The following CSMD1 variants were observed in gnomAD, a reference collection of about 807,000 sequenced individuals.
The protein encoded by CSMD1 is CUB and sushi domain-containing protein 1.
In CSMD1, 213 loss-of-function variants were observed where a neutral mutation model predicts 417.5. The observed-to-expected ratio is 0.51, with a 90% confidence interval of 0.46 to 0.57. CSMD1 has a LOEUF of 0.57. CSMD1 is among the 20% of genes least tolerant of loss of function. The probability of loss-of-function intolerance (pLI) is 0.00; values close to 1 mark genes in which losing one functional copy is unlikely to be tolerated. For missense variants in CSMD1, 6,923 were observed against 4,529.7 expected (o/e 1.53, Z -15.17); for synonymous variants, 2,862 against 1,736.8 (o/e 1.65, Z -16.11).
chr8:4,079,628 T>A (rs561774360), intron 3 of CSMD1, among the ~76,000 whole-genome samples: 1 of 152,238 alleles, frequency 6.6e-6, no homozygotes, highest in African/African-American at 2.4e-5. Context: ...GAGAATTAGC[T>A]AAATTGATAC....
At chr8:4,692,662 G>A (rs1010968328) in intron 1 of CSMD1, among the ~76,000 whole-genome samples, 1 of 152,154 alleles carries the variant, frequency 6.6e-6, no homozygotes, top group Non-Finnish European at 1.5e-5. Context: ...CAACTGTCCT[G>A]GTTTGCCGAT....
At chr8:4,537,233 G>T (rs1797144042) in intron 2 of CSMD1, among the ~76,000 whole-genome samples, 1 of 152,092 alleles carries the variant, frequency 6.6e-6, no homozygotes, top group South Asian at 2.1e-4. Flanking sequence ...TGATTTAGAG[G>T]AAACTGACAA....
chr8:4,446,542 G>C (rs758218396), intron 2 of CSMD1, among the ~76,000 whole-genome samples: 1 of 152,028 alleles, frequency 6.6e-6, no homozygotes, highest in Non-Finnish European at 1.5e-5. Context: ...ATGAGACCCC[G>C]GTTCTGCTTT....
At chr8:3,965,760 G>A (rs1007313043) in intron 5 of CSMD1, among the ~76,000 whole-genome samples, 4 of 152,080 alleles carry the variant, frequency 2.6e-5, no homozygotes, top group African/African-American at 4.8e-5. Context: ...TGGGACTACA[G>A]GCATGTGACA....
At chr8:2,994,169 AAAG>A (rs1806663307) in intron 54 of CSMD1, among the ~76,000 whole-genome samples, 1 of 149,252 alleles carries the variant, frequency 6.7e-6, no homozygotes. Context: ...AAAAAAAAAA[AAAG>A]CAAGAAGAAG....
intron 1 of CSMD1, among the ~76,000 whole-genome samples, chr8:4,869,230 G>A (rs974528113): frequency 6.6e-6 from 1 of 151,930 alleles, no homozygotes; most frequent in Non-Finnish European, 1.5e-5. Context: ...CCATAGAAAA[G>A]CATCTGTGTG....
intron 7 of CSMD1, among the ~76,000 whole-genome samples, chr8:3,622,872 T>C (rs1796324654): frequency 1.3e-5 from 2 of 152,286 alleles, no homozygotes; most frequent in East Asian, 3.9e-4. Context: ...TGAAACCACT[T>C]CAAGAGGAAT....
rs796677998 is a variant in CSMD1 at position 4,881,451 on chromosome 8, CTATCTATCT to C, written c.85+112872_85+112880del. On this transcript the variant is annotated intron_variant, in intron 1 of 69. Transcript: ENST00000635120. ...TCTATCTATCTATCTATCTATCTAT[CTATCTATCT>C]ATCTTGTCTCCCTACATGCAATAAA... Among the ~76,000 whole-genome samples the C allele has an allele frequency of 8.5e-3, 411 of 48,598 alleles. 1 individual carries two copies. The East Asian group carries it at 0.22, about 26-fold the overall frequency. 31.9% of individuals were successfully genotyped at this position (48,598 alleles called of 152,430 possible).
intron 6 of CSMD1, among the ~76,000 whole-genome samples, chr8:3,714,045 T>TAGATAGATAGAC (rs1554519412): frequency 0.09 from 13,558 of 151,390 alleles, 769 homozygotes; most frequent in African/African-American, 0.16. Flanking sequence ...GATAGATAGA[T>TAGATAGATAGAC]AGATAGATAG....
At chr8:3,940,505 G>GTGTC (rs1356224302) in intron 5 of CSMD1, among the ~76,000 whole-genome samples, 1 of 69,774 alleles carries the variant, frequency 1.4e-5, no homozygotes, top group Non-Finnish European at 3.3e-5. Flanking sequence ...CTCTGTGTGT[G>GTGTC]TGTGTGTGTG....
At chr8:4,741,985 GCACCACCA>G (rs1810640666) in intron 1 of CSMD1, among the ~76,000 whole-genome samples, 1 of 115,404 alleles carries the variant, frequency 8.7e-6, no homozygotes, top group Non-Finnish European at 1.7e-5. Context: ...AGGTCCGCAC[GCACCACCA>G]CACCCACTTT....
rs560409463 is a variant in CSMD1, at chr8:4,697,128, C to T, written c.86-59570G>A. Among the ~76,000 whole-genome samples, 119 of 152,038 alleles carry T rather than the reference C, an allele frequency of 7.8e-4. 1 individual carries two copies. Among genetic ancestry groups the T allele is most frequent in the Admixed American group, 6.4e-3 (98 of 15,268 alleles). On this transcript the variant is annotated intron_variant, in intron 1 of 69. Coordinates refer to ENST00000635120, the MANE Select transcript of CSMD1 (RefSeq NM_033225.6). ...GGGAGGTTGCAGTGAGCCGAGATCG[C>T]GCCACTGCACTACAGCCTGGGCAAC... is the stretch of plus-strand genomic sequence containing the variant.
At chr8:3,523,650 G>T (rs10100256) in intron 10 of CSMD1, among the ~76,000 whole-genome samples, 63,973 of 144,202 alleles carry the variant, frequency 0.44, 13,916 homozygotes, top group African/African-American at 0.53. Context: ...TGCACACACA[G>T]GCACAGTTAC....
At chr8:4,546,109 C>A (rs943019650) in intron 2 of CSMD1, among the ~76,000 whole-genome samples, 1 of 152,154 alleles carries the variant, frequency 6.6e-6, no homozygotes, top group Admixed American at 6.5e-5. Context: ...AAGATTTCTA[C>A]TGAAACTTTC....
chr8:3,656,400 T>G (rs1326460081), intron 7 of CSMD1, among the ~76,000 whole-genome samples: 2 of 151,980 alleles, frequency 1.3e-5, no homozygotes, highest in African/African-American at 4.8e-5. Flanking sequence ...TTTTTTTTCC[T>G]CTCAGTGCAT....
rs189844608 is a variant in CSMD1 at position 2,964,413 on chromosome 8, G to A, written c.9281-1018C>T. Reference sequence around the variant, plus strand: ...TCTGGCCCAAGGGAATGTCCAGGGGGAGGCCCCAGTTGGAAGAGACCTGAG... The same window carrying A: ...TCTGGCCCAAGGGAATGTCCAGGGGAAGGCCCCAGTTGGAAGAGACCTGAG... On this transcript the variant is annotated intron_variant, in intron 59 of 69. Transcript: ENST00000635120. Among the ~76,000 whole-genome samples, 764 of 152,300 alleles carry A rather than the reference G, an allele frequency of 5.0e-3. 4 individuals carry two copies. Among genetic ancestry groups the A allele is most frequent in the Middle Eastern group, 0.01 (3 of 294 alleles).
chr8:4,350,109 T>C (rs1801004866), intron 3 of CSMD1, among the ~76,000 whole-genome samples: 1 of 152,216 alleles, frequency 6.6e-6, no homozygotes, highest in African/African-American at 2.4e-5. Flanking sequence ...CACTGGCTGC[T>C]ACGTCAGATT....
intron 2 of CSMD1, among the ~76,000 whole-genome samples, chr8:4,577,276 C>A (rs1317227036): frequency 1.3e-5 from 2 of 152,180 alleles, no homozygotes; most frequent in Non-Finnish European, 2.9e-5. Flanking sequence ...CTCAGATGGG[C>A]TGACTTCATA....
Position 3,179,649 on chromosome 8 carries a change from C to A in CSMD1, c.5725+1461G>T, listed in dbSNP as rs1821188652. Among the ~76,000 whole-genome samples the A allele has an allele frequency of 2.0e-5, 3 of 152,154 alleles. No homozygotes were observed. In the South Asian group the frequency reaches 6.2e-4, roughly 32 times the overall value. On this transcript the variant is annotated intron_variant, in intron 37 of 69. Transcript: ENST00000635120. ...CAAAGGAATAAAAACCCAGATGCTA[C>A]AGGATAACTTTGAGAATGATAAGAG...
Sources: gnomAD v4.1 joint callset for allele counts (sites outside exome capture counted in the v4.1 genomes callset) on GRCh38, gnomAD v4.1.1 for gene constraint, MANE v1.5 for transcripts, NCBI Gene and HGNC (gene_info 2026-07-23, HGNC 2026-07-21) for gene names.